RANBP3L: variants seen among roughly 807,000 people sequenced by gnomAD.
RANBP3L encodes ran-binding protein 3-like.
RANBP3L carries 56 observed loss-of-function variants against 67.2 expected under a neutral mutation model. That is an observed-to-expected ratio of 0.83 (90% CI 0.67 to 1.04). The LOEUF (loss-of-function observed/expected upper bound fraction) is 1.04. Among genes scored for constraint, RANBP3L ranks in the 50% least tolerant of loss-of-function variants. The pLI, the probability that RANBP3L is intolerant of heterozygous loss-of-function variation, is 0.00. For missense variants in RANBP3L, 496 were observed against 535.5 expected (o/e 0.93, Z 0.73); for synonymous variants, 164 against 181.4 (o/e 0.90, Z 0.77).
chr5:36,279,902 T>C (rs1369974436), intron 1 of RANBP3L, among the ~76,000 whole-genome samples: 1 of 152,160 alleles, frequency 6.6e-6, no homozygotes. Flanking sequence ...ATTCCTCTTT[T>C]CTCATCAATA....
At chr5:36,269,021 T>A (rs1242097497) in intron 4 of RANBP3L, among the ~76,000 whole-genome samples, 1 of 152,064 alleles carries the variant, frequency 6.6e-6, no homozygotes, top group African/African-American at 2.4e-5. Flanking sequence ...GTGGTTACTT[T>A]AAAAATGGCC....
At chr5:36,257,744 C>A (rs1156685225) in intron 8 of RANBP3L, among the ~76,000 whole-genome samples, 188 bp from the exon 9 acceptor site, 1 of 152,098 alleles carries the variant, frequency 6.6e-6, no homozygotes, top group Non-Finnish European at 1.5e-5. Flanking sequence ...AGCCTTAGTT[C>A]TAATCCTCAG....
At chr5:36,270,657 A>G (rs1296372298) in intron 2 of RANBP3L, among the ~76,000 whole-genome samples, 3 of 152,052 alleles carry the variant, frequency 2.0e-5, no homozygotes, top group Non-Finnish European at 4.4e-5. Context: ...ACCATGCCTG[A>G]CTAATTTCTT....
intron 1 of RANBP3L, among the ~76,000 whole-genome samples, chr5:36,277,920 G>A (rs1267697298): frequency 1.3e-5 from 2 of 152,140 alleles, no homozygotes; most frequent in African/African-American, 4.8e-5. Flanking sequence ...AGGCAGACAA[G>A]AGAGAATTGA....
At position 36,249,675 on chromosome 5, in the gene RANBP3L, T is replaced by A; in HGVS notation, c.1377A>T (p.Arg459Ser). 2 of 1,559,322 alleles carry A rather than the reference T, an allele frequency of 1.3e-6. No individual in the cohort carries two copies. The highest frequency in any genetic ancestry group is 1.8e-6 in the Non-Finnish European group (2 of 1,140,960). The part of the protein sequence containing the change: ...NGSDPSSWTH[R>S]QSVACS ...GTATTCATGAACAGGCAACCGACTGTCTGTGAGTCCAACTAGAAGGATCTG... is the reference window on the plus strand; with the variant it reads ...GTATTCATGAACAGGCAACCGACTGACTGTGAGTCCAACTAGAAGGATCTG... Residue 459 changes from arginine to serine, a missense_variant, in exon 14 of 14, where the codon AGA becomes AGT. By Grantham distance (110) the Arg-to-Ser change is moderately radical (BLOSUM62 -1). Transcript: ENST00000296604.
chr5:36,263,932 T>C (rs1579701057), intron 6 of RANBP3L, among the ~76,000 whole-genome samples: 1 of 152,220 alleles, frequency 6.6e-6, no homozygotes, highest in East Asian at 1.9e-4. Context: ...GAAGACATGT[T>C]TTACTTAAAA....
chr5:36,253,623 C>G (rs1748751411), intron 12 of RANBP3L, 24 bp downstream of exon 12: 2 of 1,551,804 alleles, frequency 1.3e-6, no homozygotes, highest in Non-Finnish European at 1.8e-6. Context: ...GGATAATCTT[C>G]TATCACTGAA....
At chr5:36,274,542 A>G (rs1311482662) in intron 1 of RANBP3L, among the ~76,000 whole-genome samples, 6 of 152,106 alleles carry the variant, frequency 3.9e-5, no homozygotes, top group Admixed American at 6.6e-5. Context: ...TTAATAATGA[A>G]AGGAACCAGT....
intron 1 of RANBP3L, among the ~76,000 whole-genome samples, chr5:36,290,766 C>T: frequency 9.0e-6 from 1 of 111,014 alleles, no homozygotes; most frequent in Non-Finnish European, 1.7e-5. Flanking sequence ...GAGTCTCACT[C>T]TGTTGCCCAG....
Position 36,301,366 on chromosome 5 carries a change from G to A in RANBP3L, c.51C>T (p.His17=), listed in dbSNP as rs146859385. The A allele has an allele frequency of 2.5e-6, 4 of 1,613,656 alleles. No individual in the cohort carries two copies. Among genetic ancestry groups the A allele is most frequent in the Non-Finnish European group, 3.4e-6 (4 of 1,179,772 alleles). The change falls in exon 1 of 14, where the codon CAC becomes CAT. Residue 17 remains histidine (H), a synonymous_variant. Transcript: ENST00000296604. ...KGSSHLPGSL[H]TCKLKLQEDR... ...CCTCCTGCAGCTTCAGTTTACAGGTGTGCAAACTGCCAGGCAGGTGGCTGC... is the reference window on the plus strand; with the variant it reads ...CCTCCTGCAGCTTCAGTTTACAGGTATGCAAACTGCCAGGCAGGTGGCTGC...
chr5:36,288,340 C>CA (rs1405844324), intron 1 of RANBP3L, among the ~76,000 whole-genome samples: 4 of 152,174 alleles, frequency 2.6e-5, no homozygotes, highest in Non-Finnish European at 5.9e-5. Context: ...AGTAGTATTC[C>CA]AGTGTGTTAA....
intron 8 of RANBP3L, among the ~76,000 whole-genome samples, chr5:36,259,727 C>T (rs189517405): frequency 2.0e-5 from 3 of 152,216 alleles, no homozygotes; most frequent in East Asian, 1.9e-4. Flanking sequence ...TAGGCACGTT[C>T]GAGCTATCTC....
At chr5:36,294,932 A>G (rs1330811775) in intron 1 of RANBP3L, among the ~76,000 whole-genome samples, 2 of 147,016 alleles carry the variant, frequency 1.4e-5, no homozygotes, top group Non-Finnish European at 3.0e-5. Flanking sequence ...ATATATGCAT[A>G]TATACATATG....
In RANBP3L at chr5:36,301,543, A is replaced by T. The variant is rs1245324179; in HGVS notation, c.-127T>A. The T allele has an allele frequency of 1.6e-6, 1 of 638,418 alleles. No individual in the cohort carries two copies. The highest frequency in any genetic ancestry group is 2.8e-6 in the Non-Finnish European group (1 of 354,274). 39.5% of individuals were successfully genotyped at this position (638,418 alleles called of 1,614,324 possible). A position where few individuals can be genotyped will look rare whatever the true frequency, so the allele number is the denominator to read the frequency against. On this transcript the variant is annotated 5_prime_UTR_variant, in exon 1 of 14. Transcript: ENST00000296604. Reference sequence around the variant, plus strand: ...TCATGCAGATCTTGTCTTTGCATGTACAACATATACTCCTCTACTAAACTT... The same window carrying T: ...TCATGCAGATCTTGTCTTTGCATGTTCAACATATACTCCTCTACTAAACTT...
At chr5:36,260,182 T>C (rs1181339811) in intron 8 of RANBP3L, among the ~76,000 whole-genome samples, 3 of 139,644 alleles carry the variant, frequency 2.1e-5, no homozygotes, top group Middle Eastern at 3.6e-3. Context: ...TGAAACCCCA[T>C]CTCTACTAAA....
intron 3 of RANBP3L, 144 bp from the exon 4 acceptor site, chr5:36,269,611 T>C (rs1172691271): frequency 3.1e-6 from 2 of 646,444 alleles, no homozygotes; most frequent in Non-Finnish European, 5.6e-6. Flanking sequence ...GGTTAATAGT[T>C]TGCTGATTGA....
At chr5:36,250,897 GCAGT>G (rs1340028117) in intron 13 of RANBP3L, among the ~76,000 whole-genome samples, 3 of 151,992 alleles carry the variant, frequency 2.0e-5, no homozygotes, top group Non-Finnish European at 4.4e-5. Flanking sequence ...ATTCTTACAA[GCAGT>G]CAAATTCTAA....
chr5:36,259,940 A>G (rs147314063), intron 8 of RANBP3L, among the ~76,000 whole-genome samples: 67 of 152,296 alleles, frequency 4.4e-4, no homozygotes, highest in Non-Finnish European at 7.9e-4. Context: ...TAATAACGTG[A>G]GGGGTTTTCA....
chr5:36,265,147 C>G (rs1749672937), intron 5 of RANBP3L, 49 bp from the exon 6 acceptor site: 2 of 1,142,920 alleles, frequency 1.7e-6, no homozygotes, highest in African/African-American at 1.6e-5. Flanking sequence ...TGAAATATTC[C>G]TTTACTCCCT....
Sources: gnomAD v4.1 joint callset for allele counts (sites outside exome capture counted in the v4.1 genomes callset) on GRCh38, gnomAD v4.1.1 for gene constraint, MANE v1.5 for transcripts, NCBI Gene and HGNC (gene_info 2026-07-23, HGNC 2026-07-21) for gene names.